LTBP4: variants seen among roughly 807,000 people sequenced by gnomAD.
The protein encoded by LTBP4 is latent transforming growth factor beta binding protein 4, also known as latent-transforming growth factor beta-binding protein 4.
In LTBP4, 93 loss-of-function variants were observed where a neutral mutation model predicts 180.2. The ratio of observed to expected loss-of-function variants is 0.52; its 90% CI spans 0.44 to 0.61. LTBP4 has a LOEUF of 0.61. LTBP4 is among the 20% of genes least tolerant of loss of function. The pLI is 0.00. For missense variants in LTBP4, 2,116 were observed against 2,256.5 expected, an observed-to-expected ratio of 0.94 and a Z score of 1.26; for synonymous variants, 947 against 934.5, an observed-to-expected ratio of 1.01 and a Z score of -0.24.
intron 26 of LTBP4, among the ~76,000 whole-genome samples, chr19:40,625,285 TATATATATA>T (rs2081620752): frequency 4.3e-4 from 4 of 9,284 alleles, no homozygotes; most frequent in Admixed American, 9.3e-4. Flanking sequence ...TATATATATA[TATATATATA>T]TATATATATA....
intron 19 of LTBP4, among the ~76,000 whole-genome samples, 183 bp downstream of exon 19, chr19:40,614,629 T>C (rs940258205): frequency 6.6e-6 from 1 of 152,174 alleles, no homozygotes; most frequent in Admixed American, 6.5e-5. Flanking sequence ...TGTGTCAGGA[T>C]CACGGCCAAG....
rs774873383 is a variant in LTBP4 at position 40,605,396 on chromosome 19, C to T, written c.443-9C>T. On this transcript the variant is annotated splice_polypyrimidine_tract_variant and intron_variant, in intron 2 of 29. Transcript: ENST00000396819. The surrounding 1 kb of genome is among the most constrained non-coding windows in gnomAD (Gnocchi z 5.5). The stretch of plus-strand genomic sequence containing the variant: ...TAGACATCCGTTTGCCCGGCCGTGC[C>T]TCCCCTAGGCGTGGCATCTATGGTG... 1.2e-6 allele frequency: 2 copies of T among 1,612,638 alleles called. No homozygotes were observed. The highest frequency in any genetic ancestry group is 2.2e-5 in the East Asian group (1 of 44,888).
chr19:40,600,109 G>C, upstream of LTBP4: 1 of 1,258,328 alleles, frequency 7.9e-7, no homozygotes, highest in Non-Finnish European at 1.0e-6. The surrounding 1 kb of genome is among the most constrained non-coding windows in gnomAD (Gnocchi z 4.4). Flanking sequence ...CGGCGGCCCC[G>C]GGGGCCAGGG....
At chr19:40,623,830 T>C (rs753371012) in intron 25 of LTBP4, 98 bp downstream of exon 25, 325 of 1,595,760 alleles carry the variant, frequency 2.0e-4, no homozygotes, top group Non-Finnish European at 2.7e-4. Flanking sequence ...GGGAAGTCTT[T>C]CCTGGAGTCT....
intron 7 of LTBP4, 115 bp downstream of exon 7, chr19:40,607,644 T>C: frequency 8.2e-7 from 1 of 1,219,742 alleles, no homozygotes; most frequent in Non-Finnish European, 1.1e-6. Flanking sequence ...GCTCCAGCCT[T>C]GGCCACGCAG....
At chr19:40,625,826 C>A (rs2081629490) in intron 26 of LTBP4, 31 bp from the exon 27 acceptor site, 1 of 1,515,208 alleles carries the variant, frequency 6.6e-7, no homozygotes, top group African/African-American at 1.4e-5. Context: ...AGTGCCAGGC[C>A]CACTCTGACA....
intron 1 of LTBP4, among the ~76,000 whole-genome samples, chr19:40,596,195 C>CA (rs1474036287): frequency 1.3e-5 from 2 of 152,102 alleles, no homozygotes; most frequent in African/African-American, 4.8e-5. Context: ...GCTGGGATTA[C>CA]AGGCATGAGC....
chr19:40,624,197 G>T (rs1181788506), intron 26 of LTBP4, 115 bp downstream of exon 26: 1 of 1,241,156 alleles, frequency 8.1e-7, no homozygotes, highest in South Asian at 1.6e-5. Flanking sequence ...CATGCTCCTG[G>T]CTCGACCACG....
At chr19:40,600,782 G>T (rs900811467), upstream of LTBP4, among the ~76,000 whole-genome samples, 3 of 151,782 alleles carry the variant, frequency 2.0e-5, no homozygotes, top group African/African-American at 7.3e-5. This position sits in a 1 kb window ranked among gnomAD's most constrained non-coding sequence, Gnocchi z 4.4. Context: ...GACTTCTCCC[G>T]CCAGGTGTGG....
Position 40,613,334 on chromosome 19 carries a change from CT to C in LTBP4, c.2432-69del. ...CCTGGCATTGGTGGGGGCGGGGTTA[CT>C]GCGATGTGGGCGGAGCTTGTCTGGG... is the stretch of plus-strand genomic sequence containing the variant. On this transcript the variant is annotated intron_variant, in intron 16 of 29. Coordinates refer to ENST00000396819, the MANE Select transcript of LTBP4 (RefSeq NM_001042545.2). The surrounding 1 kb of genome is among the most constrained non-coding windows in gnomAD (Gnocchi z 5.0). 6.4e-7 allele frequency: 1 copy of C among 1,561,956 alleles called. No individual in the cohort carries two copies. The highest frequency in any genetic ancestry group is 8.7e-7 in the Non-Finnish European group (1 of 1,154,452).
At chr19:40,621,797 A>G (rs11667772) in intron 22 of LTBP4, among the ~76,000 whole-genome samples, 75,490 of 151,974 alleles carry the variant, frequency 0.5, 19,940 homozygotes, top group African/African-American at 0.68. Flanking sequence ...CGCCCAGGCT[A>G]GAATGCAGTG....
chr19:40,608,641 A>C (rs1381401010), intron 9 of LTBP4, 38 bp downstream of exon 9: 1 of 1,553,368 alleles, frequency 6.4e-7, no homozygotes, highest in East Asian at 2.4e-5. Context: ...GGCCTGCAGC[A>C]GTGGCTCACG....
In LTBP4 at chr19:40,605,504, A is replaced by G. The variant is rs889155245; in HGVS notation, c.542A>G (p.Asp181Gly). 1.2e-6 allele frequency: 2 copies of G among 1,610,004 alleles called. No individual in the cohort carries two copies. Among genetic ancestry groups the G allele is most frequent in the Non-Finnish European group, 1.7e-6 (2 of 1,178,796 alleles). ...GTGTCTGGCCCTTGGGAGGAGGCGG[A>G]CGCTGAGGCGGTGGCGCGGGCGGAA... ...ERVSGPWEEA[D>G]AEAVARAEAA... The change falls in exon 3 of 30, where the codon GAC (aspartate) becomes GGC (glycine). Residue 181 changes from aspartate to glycine, a missense_variant. Asp to Gly is a moderately conservative substitution (Grantham distance 94). Coordinates refer to ENST00000396819, the MANE Select transcript of LTBP4 (RefSeq NM_001042545.2). This position sits in a 1 kb window ranked among gnomAD's most constrained non-coding sequence, Gnocchi z 5.5.
Position 40,606,315 on chromosome 19 carries a change from G to A in LTBP4, c.868+8G>A, listed in dbSNP as rs755536651. The stretch of plus-strand genomic sequence containing the variant: ...TTAATGGGTCCTGCGAAGGTGCAAC[G>A]GGGCAGGGGTGGGAGGGGCTTGGTT... On this transcript the variant is annotated splice_region_variant and intron_variant, in intron 5 of 29. Transcript: ENST00000396819. The A allele has an allele frequency of 1.9e-6, 3 of 1,601,348 alleles. No homozygotes were observed. The highest frequency in any genetic ancestry group is 1.7e-5 in the Admixed American group (1 of 58,386).
chr19:40,598,751 A>ACGAATCAGTAGGTGTAGATCTCGGT, upstream of LTBP4: 1 of 246,720 alleles, frequency 4.1e-6, no homozygotes, highest in South Asian at 4.5e-5. Flanking sequence ...CCAGCTGCCG[A>ACGAATCAGTAGGTGTAGATCTCGGT]GGCCTGTGAA....
At chr19:40,594,390 G>C (rs1471775799) in intron 1 of LTBP4, 2 of 151,978 alleles carry the variant, frequency 1.3e-5, no homozygotes, top group Non-Finnish European at 2.9e-5. Context: ...TGGGAGGGAT[G>C]GGGAGCTGGG....
chr19:40,608,153 G>A, intron 7 of LTBP4, 67 bp from the exon 8 acceptor site: 2 of 1,576,490 alleles, frequency 1.3e-6, no homozygotes, highest in Non-Finnish European at 1.7e-6. Flanking sequence ...CAAGGCCAGA[G>A]TCTGGGCTGG....
chr19:40,604,248 T>C (rs1599860216), intron 1 of LTBP4, among the ~76,000 whole-genome samples: 1 of 151,256 alleles, frequency 6.6e-6, no homozygotes, highest in Admixed American at 6.6e-5. Flanking sequence ...GGGTAGAAGG[T>C]AATGTGAGAG....
Position 40,610,524 on chromosome 19 carries a change from G to A in LTBP4, c.1685-8G>A, listed in dbSNP as rs757399117. ...CCCCAGTCCCAGCCGCCTGGTCTGTGCCTACAGATGTGGACGAGTGCCACC... is the reference window on the plus strand; with the variant it reads ...CCCCAGTCCCAGCCGCCTGGTCTGTACCTACAGATGTGGACGAGTGCCACC... On this transcript the variant is annotated splice_region_variant and splice_polypyrimidine_tract_variant and intron_variant, in intron 11 of 29. Transcript: ENST00000396819. 7 of 1,592,096 alleles carry A rather than the reference G, an allele frequency of 4.4e-6. No individual in the cohort carries two copies. The highest frequency in any genetic ancestry group is 6.0e-6 in the Non-Finnish European group (7 of 1,174,620).
Sources: allele counts gnomAD v4.1 joint callset (sites outside exome capture counted in the v4.1 genomes callset), GRCh38; gene constraint gnomAD v4.1.1; non-coding constraint Gnocchi (gnomAD v3.1); transcripts MANE v1.5; gene names NCBI Gene and HGNC (gene_info 2026-07-23, HGNC 2026-07-21).